CERT1: variants seen among roughly 807,000 people sequenced by gnomAD.
The protein encoded by CERT1 is ceramide transfer protein.
CERT1 carries 31 observed loss-of-function variants against 87.9 expected under a neutral mutation model. The observed-to-expected ratio is 0.35, with a 90% confidence interval of 0.27 to 0.48. The LOEUF (loss-of-function observed/expected upper bound fraction) is 0.48. CERT1 is among the 20% of genes least tolerant of loss of function. The probability of loss-of-function intolerance (pLI) is 0.99; values close to 1 mark genes in which losing one functional copy is unlikely to be tolerated. For missense variants in CERT1, 487 were observed against 758.0 expected, an observed-to-expected ratio of 0.64 and a Z score of 4.20; for synonymous variants, 289 against 250.9, an observed-to-expected ratio of 1.15 and a Z score of -1.44.
chr5:75,393,959 C>T (rs1426283253), intron 11 of CERT1, among the ~76,000 whole-genome samples: 1 of 151,836 alleles, frequency 6.6e-6, no homozygotes, highest in Non-Finnish European at 1.5e-5. Context: ...AGCAAGACTC[C>T]ACCTCAAAAA....
In CERT1 at chr5:75,417,022, C is replaced by T. The variant is rs768411890; in HGVS notation, c.691G>A (p.Val231Met). ...NGNKEKLFPH[V>M]TPKGINGIDF... is the part of the protein sequence containing the mutation. ...ATACCATTAATTCCTTTTGGTGTCA[C>T]ATGTGGAAATACTGAAAATGAAAAT... Residue 231 changes from valine (V) to methionine (M), a missense_variant, in exon 7 of 17, where the codon GTG becomes ATG. Physicochemically the swap from Val to Met is conservative, Grantham distance 21 (BLOSUM62 1). Transcript: ENST00000643780. 1.1e-5 allele frequency: 17 copies of T among 1,596,930 alleles called. No individual in the cohort carries two copies. Among genetic ancestry groups the T allele is most frequent in the Non-Finnish European group, 2.6e-6 (3 of 1,170,182 alleles).
chr5:75,497,054 C>T (rs185849351), intron 2 of CERT1, among the ~76,000 whole-genome samples: 51 of 151,994 alleles, frequency 3.4e-4, no homozygotes, highest in Non-Finnish European at 6.6e-4. Context: ...GAAAAAAAGA[C>T]TATCAAGAAT....
intron 11 of CERT1, among the ~76,000 whole-genome samples, chr5:75,391,450 C>G (rs1009586297): frequency 2.6e-5 from 4 of 152,128 alleles, no homozygotes; most frequent in Non-Finnish European, 5.9e-5. Context: ...TAAACACTAA[C>G]AATATTTTAT....
intron 17 of CERT1, chr5:75,371,638 A>G (rs190459785): frequency 1.3e-5 from 2 of 152,354 alleles, no homozygotes; most frequent in African/African-American, 4.8e-5. Context: ...GGAGTCCTGA[A>G]TTCCAACTGA....
chr5:75,372,091 T>C (rs1056368288), intron 17 of CERT1: 2 of 152,206 alleles, frequency 1.3e-5, no homozygotes, highest in Non-Finnish European at 2.9e-5. Flanking sequence ...AAGTATATCA[T>C]CACATTTAGT....
At chr5:75,499,191 G>A (rs184366869) in intron 2 of CERT1, among the ~76,000 whole-genome samples, 356 of 152,338 alleles carry the variant, frequency 2.3e-3, no homozygotes, top group Non-Finnish European at 4.2e-3. Context: ...CCTTGTCTCA[G>A]ATGAGACTTT....
chr5:75,469,281 T>C (rs78866319), intron 2 of CERT1, among the ~76,000 whole-genome samples: 3,957 of 151,972 alleles, frequency 0.026, 146 homozygotes, highest in African/African-American at 0.085. Context: ...AGAAGTAAGA[T>C]TGAAAAGGAA....
At chr5:75,370,227 G>T (rs1256668708) in intron 17 of CERT1, 1 of 152,220 alleles carries the variant, frequency 6.6e-6, no homozygotes, top group Non-Finnish European at 1.5e-5. Context: ...TGGATGGCAT[G>T]TATCTTTGAA....
intron 5 of CERT1, among the ~76,000 whole-genome samples, chr5:75,421,794 G>A (rs1353946953): frequency 6.6e-6 from 1 of 152,110 alleles, no homozygotes; most frequent in African/African-American, 2.4e-5. Flanking sequence ...TCATATCAAT[G>A]AAAAGTTAAA....
intron 5 of CERT1, among the ~76,000 whole-genome samples, chr5:75,424,307 C>T (rs535528752): frequency 5.8e-4 from 88 of 152,036 alleles, no homozygotes; most frequent in Admixed American, 1.4e-3. Flanking sequence ...GGGGGCCGAG[C>T]GCGGTGGCTC....
intron 11 of CERT1, among the ~76,000 whole-genome samples, chr5:75,397,462 A>G (rs545884464): frequency 6.6e-6 from 1 of 152,326 alleles, no homozygotes; most frequent in South Asian, 2.1e-4. Context: ...TGGACTTAAA[A>G]GCAATTCAGC....
intron 3 of CERT1, among the ~76,000 whole-genome samples, chr5:75,439,908 C>T (rs1439802724): frequency 1.3e-5 from 2 of 152,036 alleles, no homozygotes; most frequent in African/African-American, 4.8e-5. Flanking sequence ...CTTTCAAATA[C>T]TTATGGGTCC....
intron 2 of CERT1, among the ~76,000 whole-genome samples, chr5:75,498,269 G>A (rs1289437213): frequency 4.6e-5 from 7 of 152,164 alleles, no homozygotes; most frequent in Non-Finnish European, 1.0e-4. Flanking sequence ...GTATTTTCTG[G>A]GGAGAAATTC....
intron 2 of CERT1, among the ~76,000 whole-genome samples, chr5:75,500,347 T>C (rs528376699): frequency 6.6e-6 from 1 of 152,300 alleles, no homozygotes; most frequent in South Asian, 2.1e-4. Context: ...TAAAATTATA[T>C]AATTTTCTGT....
intron 7 of CERT1, among the ~76,000 whole-genome samples, chr5:75,411,922 A>G (rs1259733217): frequency 6.6e-6 from 1 of 152,238 alleles, no homozygotes. Context: ...CTGCTGCTTA[A>G]GACTGTATTT....
intron 2 of CERT1, among the ~76,000 whole-genome samples, chr5:75,472,671 A>G (rs1488597720): frequency 6.6e-6 from 1 of 152,234 alleles, no homozygotes; most frequent in Non-Finnish European, 1.5e-5. Flanking sequence ...AAAATGCTCA[A>G]TGTCATAAAT....
intron 2 of CERT1, among the ~76,000 whole-genome samples, chr5:75,474,106 C>T (rs904888130): frequency 2.0e-5 from 3 of 152,162 alleles, no homozygotes; most frequent in African/African-American, 7.2e-5. Context: ...ACTTAAAAAC[C>T]GATGTTATTC....
intron 3 of CERT1, among the ~76,000 whole-genome samples, chr5:75,446,905 A>G (rs1479840625): frequency 6.6e-6 from 1 of 152,232 alleles, no homozygotes; most frequent in East Asian, 1.9e-4. Flanking sequence ...CAAGTCTCCT[A>G]GAAATCACTA....
At chr5:75,461,175 T>C (rs779905035) in intron 2 of CERT1, among the ~76,000 whole-genome samples, 5 of 152,172 alleles carry the variant, frequency 3.3e-5, no homozygotes, top group African/African-American at 4.8e-5. Context: ...TGCCAGTCCA[T>C]GGGCTGTTAG....
Sources: allele counts gnomAD v4.1 joint callset (sites outside exome capture counted in the v4.1 genomes callset), GRCh38; gene constraint gnomAD v4.1.1; transcripts MANE v1.5; gene names NCBI Gene and HGNC (gene_info 2026-07-23, HGNC 2026-07-21).